The following CAMK1D variants were observed in gnomAD, a reference collection of about 807,000 sequenced individuals.
CAMK1D encodes calcium/calmodulin-dependent protein kinase type 1D.
Under a neutral mutation model 47.7 loss-of-function variants are expected in CAMK1D, and 9 were observed. That is an observed-to-expected ratio of 0.19 (90% CI 0.11 to 0.33). CAMK1D has a LOEUF of 0.33. Among genes scored for constraint, CAMK1D ranks in the 10% least tolerant of loss-of-function variants. The probability of loss-of-function intolerance (pLI) is 1.00; values close to 1 mark genes in which losing one functional copy is unlikely to be tolerated. For missense variants in CAMK1D, 291 were observed against 488.7 expected (o/e 0.60, Z 3.81); for synonymous variants, 184 against 184.9 (o/e 0.99, Z 0.04).
chr10:12,792,754 C>G lies in CAMK1D; in HGVS notation c.641+1521C>G, dbSNP rs184644303. ...TTTCATCCATTGCCATATACTTGGC[C>G]TAAAGGACTCTCGTTTATGGAAATT... On this transcript the variant is annotated intron_variant, in intron 6 of 10. Coordinates refer to ENST00000619168, the MANE Select transcript of CAMK1D (RefSeq NM_153498.4). 7.6e-4 allele frequency among the ~76,000 whole-genome samples: 115 copies of G among 152,298 alleles called. 1 individual carries two copies. The highest frequency in any genetic ancestry group is 2.6e-3 in the African/African-American group (108 of 41,560).
chr10:12,371,752 T>C (rs1021022645), intron 1 of CAMK1D, among the ~76,000 whole-genome samples: 39 of 151,420 alleles, frequency 2.6e-4, no homozygotes, highest in African/African-American at 9.2e-4. Flanking sequence ...AAAAATTAGC[T>C]GGGCGTGGTG....
At chr10:12,620,976 AC>A (rs1838979793) in intron 2 of CAMK1D, among the ~76,000 whole-genome samples, 1 of 152,186 alleles carries the variant, frequency 6.6e-6, no homozygotes, top group Non-Finnish European at 1.5e-5. Flanking sequence ...GAAAAGGTTT[AC>A]TTTTATTGTC....
chr10:12,667,388 A>G (rs956235963), intron 3 of CAMK1D, among the ~76,000 whole-genome samples: 1 of 152,242 alleles, frequency 6.6e-6, no homozygotes, highest in Non-Finnish European at 1.5e-5. Context: ...TTCCATTAAC[A>G]CTGGAGATTA....
chr10:12,686,732 C>T (rs971947158), intron 3 of CAMK1D, among the ~76,000 whole-genome samples: 8 of 152,130 alleles, frequency 5.3e-5, no homozygotes, highest in South Asian at 4.1e-4. Context: ...GCTTAATTCT[C>T]AGAGGGAAGA....
intron 3 of CAMK1D, among the ~76,000 whole-genome samples, chr10:12,684,841 A>T (rs186092703): frequency 6.6e-6 from 1 of 152,336 alleles, no homozygotes; most frequent in African/African-American, 2.4e-5. Flanking sequence ...AAACTCTAGA[A>T]ACAAAGTTTA....
chr10:12,485,167 G>A (rs1213908968), intron 1 of CAMK1D, among the ~76,000 whole-genome samples: 1 of 152,228 alleles, frequency 6.6e-6, no homozygotes, highest in Non-Finnish European at 1.5e-5. Context: ...AAGTGTAACC[G>A]AGAGGCGAAG....
At chr10:12,480,486 C>G (rs1969931) in intron 1 of CAMK1D, among the ~76,000 whole-genome samples, 7,951 of 152,040 alleles carry the variant, frequency 0.052, 600 homozygotes, top group East Asian at 0.41. Context: ...TAAACAAAAT[C>G]CTATAGAGCC....
chr10:12,502,378 A>T (rs1467523371), intron 1 of CAMK1D, among the ~76,000 whole-genome samples: 2 of 152,144 alleles, frequency 1.3e-5, no homozygotes, highest in Non-Finnish European at 2.9e-5. Context: ...CCTGTTTCTC[A>T]GGTTACCAGT....
At chr10:12,504,240 A>T (rs1278367058) in intron 1 of CAMK1D, among the ~76,000 whole-genome samples, 3 of 151,610 alleles carry the variant, frequency 2.0e-5, no homozygotes, top group African/African-American at 7.3e-5. Context: ...ACACACACAC[A>T]CACACACACA....
chr10:12,517,223 T>G (rs1047774860), intron 1 of CAMK1D, among the ~76,000 whole-genome samples: 1 of 152,248 alleles, frequency 6.6e-6, no homozygotes, highest in Non-Finnish European at 1.5e-5. Context: ...TTTTTATGTG[T>G]ATGCTGTGAC....
intron 1 of CAMK1D, among the ~76,000 whole-genome samples, chr10:12,512,451 A>G (rs940726771): frequency 4.6e-5 from 7 of 152,204 alleles, no homozygotes; most frequent in African/African-American, 9.7e-5. Context: ...GCTGGAATGC[A>G]GTGATGCAAT....
At chr10:12,823,592 A>G (rs1833092298) in intron 8 of CAMK1D, among the ~76,000 whole-genome samples, 3 of 152,014 alleles carry the variant, frequency 2.0e-5, no homozygotes, top group Admixed American at 1.3e-4. Context: ...AGAAAGAGAC[A>G]GCAGAGGGAG....
chr10:12,540,094 C>CT lies in CAMK1D; in HGVS notation c.93-13127dup, dbSNP rs147814684. On this transcript the variant is annotated intron_variant, in intron 1 of 10. Coordinates refer to ENST00000619168, the MANE Select transcript of CAMK1D (RefSeq NM_153498.4). ...ACACCTAGCTAATTTTTTCTTTTTTCTTTTCTTTTTTTTTTGGAGAGTTGG... is the reference window on the plus strand; with the variant it reads ...ACACCTAGCTAATTTTTTCTTTTTTCTTTTTCTTTTTTTTTTGGAGAGTTGG... Among the ~76,000 whole-genome samples, 1,403 of 146,554 alleles carry CT rather than the reference C, an allele frequency of 9.6e-3. 24 individuals are homozygous for CT. The highest frequency in any genetic ancestry group is 0.028 in the African/African-American group (1,110 of 39,150).
At chr10:12,682,939 T>C (rs1413486709) in intron 3 of CAMK1D, among the ~76,000 whole-genome samples, 1 of 152,062 alleles carries the variant, frequency 6.6e-6, no homozygotes, top group East Asian at 1.9e-4. Flanking sequence ...CTTTTTTTTT[T>C]TGGAGATGGA....
intron 1 of CAMK1D, among the ~76,000 whole-genome samples, chr10:12,443,177 C>T (rs996766811): frequency 9.2e-5 from 14 of 151,856 alleles, no homozygotes; most frequent in Admixed American, 4.6e-4. Context: ...GAAACTGACT[C>T]GAGGAGGAAA....
intron 1 of CAMK1D, among the ~76,000 whole-genome samples, chr10:12,414,597 A>T (rs1251227144): frequency 6.6e-6 from 1 of 152,206 alleles, no homozygotes; most frequent in Non-Finnish European, 1.5e-5. Context: ...GAATAAATTT[A>T]ACACTAATGC....
intron 1 of CAMK1D, among the ~76,000 whole-genome samples, chr10:12,508,509 T>G (rs1009992862): frequency 1.3e-5 from 2 of 152,206 alleles, no homozygotes; most frequent in African/African-American, 2.4e-5. Context: ...AATGGGGACT[T>G]CTTGCTCAGT....
At chr10:12,404,869 A>G (rs1839361093) in intron 1 of CAMK1D, among the ~76,000 whole-genome samples, 1 of 151,832 alleles carries the variant, frequency 6.6e-6, no homozygotes, top group Admixed American at 6.6e-5. Context: ...TTGTATTTTT[A>G]GTAGAAATGG....
At chr10:12,767,513 GTCAAGAATGTGCCCATGACACAGCC>G (rs1836822373) in intron 4 of CAMK1D, among the ~76,000 whole-genome samples, 1 of 152,076 alleles carries the variant, frequency 6.6e-6, no homozygotes, top group Non-Finnish European at 1.5e-5. Context: ...TTTTGCCAAG[GTCAAGAATGTGCCCATGACACAGCC>G]TCAAGAGATC....
Sources: allele counts gnomAD v4.1 joint callset (sites outside exome capture counted in the v4.1 genomes callset), GRCh38; gene constraint gnomAD v4.1.1; transcripts MANE v1.5; gene names NCBI Gene and HGNC (gene_info 2026-07-23, HGNC 2026-07-21).